Variants in KCNQ5 observed in about 807,000 individuals in gnomAD.
KCNQ5 encodes the protein potassium voltage-gated channel subfamily KQT member 5.
KCNQ5 carries 30 observed loss-of-function variants against 98.2 expected under a neutral mutation model. That is an observed-to-expected ratio of 0.31 (90% CI 0.23 to 0.41). KCNQ5 has a LOEUF of 0.41. Among genes scored for constraint, KCNQ5 ranks in the 10% least tolerant of loss-of-function variants. The pLI is 1.00. For missense variants in KCNQ5, 835 were observed against 1,182.5 expected (o/e 0.71, Z 4.31); for synonymous variants, 458 against 449.4 (o/e 1.02, Z -0.24).
rs1562082725 is a variant in KCNQ5, at chr6:72,941,569, T to TCCCCCTTCCCTC, written c.399-62337_399-62336insCCCTTCCCTCCC. On this transcript the variant is annotated intron_variant, in intron 1 of 13. Transcript: ENST00000370398. The stretch of plus-strand genomic sequence containing the variant: ...TTTCCTTCTTCCCTCCCTCCTTCCT[T>TCCCCCTTCCCTC]CCTCCTTCCCTCCCTCCCTTCCTTC... Among the ~76,000 whole-genome samples the TCCCCCTTCCCTC allele has an allele frequency of 1.1e-4, 11 of 96,226 alleles. No homozygotes were observed. In the South Asian group the frequency reaches 3.4e-3, roughly 29 times the overall value. The allele number at this position is 96,226 out of a possible 152,430, so 63.1% of individuals were successfully genotyped here.
At chr6:72,754,121 C>T (rs1561961676) in intron 1 of KCNQ5, among the ~76,000 whole-genome samples, 1 of 152,036 alleles carries the variant, frequency 6.6e-6, no homozygotes, top group Non-Finnish European at 1.5e-5. Flanking sequence ...TAAAAACACT[C>T]ATTCTTTCAC....
chr6:72,951,249 T>C (rs868278402), intron 1 of KCNQ5, among the ~76,000 whole-genome samples: 1 of 152,198 alleles, frequency 6.6e-6, no homozygotes, highest in South Asian at 2.1e-4. Context: ...CTTTTGTTGT[T>C]GTTGATTTTT....
intron 1 of KCNQ5, among the ~76,000 whole-genome samples, chr6:72,738,037 T>C (rs541762506): frequency 8.4e-6 from 1 of 119,718 alleles, no homozygotes; most frequent in Non-Finnish European, 2.0e-5. Flanking sequence ...CGCCTGTAGT[T>C]CCAACTACTC....
intron 1 of KCNQ5, among the ~76,000 whole-genome samples, chr6:72,886,111 A>G (rs1369635287): frequency 6.6e-6 from 1 of 152,226 alleles, no homozygotes; most frequent in African/African-American, 2.4e-5. Flanking sequence ...GAGGGTCAGC[A>G]AAAGAAACAA....
intron 6 of KCNQ5, 94 bp downstream of exon 6, chr6:73,105,461 T>G: frequency 3.4e-6 from 2 of 589,414 alleles, no homozygotes; most frequent in Non-Finnish European, 5.8e-6. Context: ...GGAACATATC[T>G]ATATCATTTA....
intron 11 of KCNQ5, among the ~76,000 whole-genome samples, chr6:73,183,679 C>T (rs1485755425): frequency 6.6e-6 from 1 of 152,146 alleles, no homozygotes; most frequent in African/African-American, 2.4e-5. Flanking sequence ...CACAAATTTT[C>T]CTCTCTCTAC....
intron 1 of KCNQ5, among the ~76,000 whole-genome samples, chr6:72,660,894 G>T (rs181316068): frequency 2.0e-5 from 3 of 152,240 alleles, no homozygotes; most frequent in African/African-American, 7.2e-5. Context: ...GACTAGTAAT[G>T]ATGGCCGGAA....
At chr6:73,173,012 A>C (rs1278649665) in intron 11 of KCNQ5, among the ~76,000 whole-genome samples, 2 of 152,226 alleles carry the variant, frequency 1.3e-5, no homozygotes, top group African/African-American at 4.8e-5. Flanking sequence ...ACACTCTCTG[A>C]ATTTGTCTGG....
chr6:72,813,544 T>C (rs1283582177), intron 1 of KCNQ5, among the ~76,000 whole-genome samples: 1 of 152,160 alleles, frequency 6.6e-6, no homozygotes, highest in Non-Finnish European at 1.5e-5. Context: ...TTACTGTCTC[T>C]CACACCCACC....
At chr6:73,079,156 G>A (rs149144351) in intron 5 of KCNQ5, among the ~76,000 whole-genome samples, 1,892 of 152,188 alleles carry the variant, frequency 0.012, 39 homozygotes, top group African/African-American at 0.042. Context: ...ACAAAAATTA[G>A]CCAGGTGTGG....
intron 1 of KCNQ5, among the ~76,000 whole-genome samples, chr6:72,872,976 A>G (rs1247731875): frequency 1.3e-5 from 2 of 152,172 alleles, no homozygotes; most frequent in South Asian, 2.1e-4. Context: ...AAAGCTATGC[A>G]TGATTTTTCT....
At chr6:73,042,933 C>T in intron 3 of KCNQ5, 2 of 168,848 alleles carry the variant, frequency 1.2e-5, no homozygotes. Flanking sequence ...GGCAGCCATT[C>T]AAATCCAAAT....
At chr6:73,146,911 T>C (rs985277280) in intron 10 of KCNQ5, among the ~76,000 whole-genome samples, 3 of 152,224 alleles carry the variant, frequency 2.0e-5, no homozygotes, top group African/African-American at 7.2e-5. Context: ...GGTTTTTGTA[T>C]GTGAGTTTTA....
chr6:73,135,925 T>G (rs1165801324), intron 10 of KCNQ5: 1 of 152,204 alleles, frequency 6.6e-6, no homozygotes, highest in African/African-American at 2.4e-5. Context: ...CTTATAAGGA[T>G]ACCAATCATA....
chr6:72,793,669 G>A (rs966581495), intron 1 of KCNQ5, among the ~76,000 whole-genome samples: 8 of 152,190 alleles, frequency 5.3e-5, no homozygotes, highest in Non-Finnish European at 1.2e-4. Context: ...ATAAGATCAA[G>A]AACAATTCTG....
intron 1 of KCNQ5, among the ~76,000 whole-genome samples, chr6:72,665,076 G>T (rs1766729775): frequency 2.0e-5 from 3 of 152,042 alleles, no homozygotes; most frequent in Admixed American, 2.0e-4. Flanking sequence ...GCCTGGGTGT[G>T]GTGTCTCACG....
At chr6:73,016,657 A>T (rs1248360073) in intron 2 of KCNQ5, among the ~76,000 whole-genome samples, 2 of 152,108 alleles carry the variant, frequency 1.3e-5, no homozygotes, top group African/African-American at 4.8e-5. Context: ...AGTAAAACAC[A>T]ATAGAGCCCT....
At chr6:72,732,372 G>A (rs774288981) in intron 1 of KCNQ5, among the ~76,000 whole-genome samples, 1 of 152,050 alleles carries the variant, frequency 6.6e-6, no homozygotes. Flanking sequence ...GCAGGGGAGG[G>A]TGTGGATGTA....
At chr6:72,714,184 G>C (rs914378170) in intron 1 of KCNQ5, among the ~76,000 whole-genome samples, 1 of 151,986 alleles carries the variant, frequency 6.6e-6, no homozygotes, top group Non-Finnish European at 1.5e-5. Context: ...GTTGTTGAAG[G>C]CCTCTTCTTA....
Sources: gnomAD v4.1 joint callset for allele counts (sites outside exome capture counted in the v4.1 genomes callset) on GRCh38, gnomAD v4.1.1 for gene constraint, MANE v1.5 for transcripts, NCBI Gene and HGNC (gene_info 2026-07-23, HGNC 2026-07-21) for gene names.